CNTNAP2: variants seen among roughly 807,000 people sequenced by gnomAD.
CNTNAP2 encodes the protein contactin-associated protein-like 2.
Under a neutral mutation model 155.2 loss-of-function variants are expected in CNTNAP2, and 98 were observed. The ratio of observed to expected loss-of-function variants is 0.63; its 90% confidence interval spans 0.54 to 0.75. The LOEUF (loss-of-function observed/expected upper bound fraction) is 0.75. CNTNAP2 is among the 30% of genes least tolerant of loss of function. The pLI is 0.00. For missense variants in CNTNAP2, 1,727 were observed against 1,688.1 expected (o/e 1.02, Z -0.40); for synonymous variants, 651 against 631.2 (o/e 1.03, Z -0.47).
intron 14 of CNTNAP2, among the ~76,000 whole-genome samples, chr7:147,925,690 T>C (rs898616466): frequency 6.6e-6 from 1 of 152,176 alleles, no homozygotes; most frequent in Non-Finnish European, 1.5e-5. Flanking sequence ...CTCGATCTCC[T>C]GACCTCGTGA....
chr7:147,614,908 A>C (rs1801252797), intron 12 of CNTNAP2, among the ~76,000 whole-genome samples: 1 of 151,772 alleles, frequency 6.6e-6, no homozygotes, highest in Non-Finnish European at 1.5e-5. Context: ...AAACTATCTT[A>C]GTCTAAACAC....
chr7:147,005,655 T>G (rs905938464), intron 3 of CNTNAP2, among the ~76,000 whole-genome samples: 1 of 152,064 alleles, frequency 6.6e-6, no homozygotes, highest in African/African-American at 2.4e-5. Context: ...TAATCCATGA[T>G]AAATTCTATT....
At chr7:146,309,483 A>C (rs113585232) in intron 1 of CNTNAP2, among the ~76,000 whole-genome samples, 145 of 152,218 alleles carry the variant, frequency 9.5e-4, no homozygotes, top group African/African-American at 3.1e-3. Flanking sequence ...TATTCACACT[A>C]ATTCTAAATC....
At position 146,313,275 on chromosome 7, in the gene CNTNAP2, C is replaced by G. The variant is rs1479412157; in HGVS notation, c.97+196302C>G. On this transcript the variant is annotated intron_variant, in intron 1 of 23. Coordinates refer to ENST00000361727, the MANE Select transcript of CNTNAP2 (RefSeq NM_014141.6). Reference sequence around the variant, plus strand: ...CTAATGGGCATGTGGTGATATCCCACTGTGGCTTTAATTTGCATTTCTCTG... The same window carrying G: ...CTAATGGGCATGTGGTGATATCCCAGTGTGGCTTTAATTTGCATTTCTCTG... Among the ~76,000 whole-genome samples, 3 of 152,170 alleles carry G rather than the reference C, an allele frequency of 2.0e-5. No homozygotes were observed. In the East Asian group the frequency reaches 5.8e-4, roughly 29 times the overall value.
intron 11 of CNTNAP2, among the ~76,000 whole-genome samples, chr7:147,509,277 G>A (rs1528512): frequency 0.67 from 101,677 of 152,122 alleles, 34,375 homozygotes; most frequent in South Asian, 0.77. Flanking sequence ...CATAGAAAGA[G>A]CAATACAGAG....
At chr7:146,605,674 G>A (rs932130742) in intron 1 of CNTNAP2, among the ~76,000 whole-genome samples, 1 of 152,066 alleles carries the variant, frequency 6.6e-6, no homozygotes, top group Admixed American at 6.5e-5. Context: ...TTAATTATTA[G>A]CATTTGAATC....
At chr7:147,351,109 T>A (rs28439768) in intron 9 of CNTNAP2, among the ~76,000 whole-genome samples, 26,614 of 151,712 alleles carry the variant, frequency 0.18, 2,506 homozygotes, top group African/African-American at 0.23. Flanking sequence ...ACTTCAGGTA[T>A]TTTTTCTTCT....
At chr7:148,061,926 T>TAAAC (rs773290618) in intron 15 of CNTNAP2, among the ~76,000 whole-genome samples, 10,722 of 110,260 alleles carry the variant, frequency 0.097, 851 homozygotes, top group East Asian at 0.28. Context: ...CAGATATAGA[T>TAAAC]AGATAGATAG....
chr7:148,346,773 TAAAAAAAAAAAA>T (rs71188973), intron 21 of CNTNAP2, among the ~76,000 whole-genome samples: 33 of 147,064 alleles, frequency 2.2e-4, no homozygotes, highest in South Asian at 4.4e-4. Context: ...ACTCCATCTT[TAAAAAAAAAAAA>T]AAAAAAAAAA....
intron 1 of CNTNAP2, among the ~76,000 whole-genome samples, chr7:146,351,691 T>G (rs1001375447): frequency 6.6e-6 from 1 of 152,240 alleles, no homozygotes; most frequent in Admixed American, 6.5e-5. Context: ...TTTATTGTTT[T>G]AACTTTGTGC....
chr7:148,057,067 C>T (rs1466985805), intron 15 of CNTNAP2, among the ~76,000 whole-genome samples: 1 of 152,202 alleles, frequency 6.6e-6, no homozygotes, highest in Admixed American at 6.5e-5. Flanking sequence ...TCTGTGCCCA[C>T]CCTCTTATTG....
At chr7:147,521,387 C>G (rs1346258149) in intron 11 of CNTNAP2, among the ~76,000 whole-genome samples, 1 of 152,096 alleles carries the variant, frequency 6.6e-6, no homozygotes, top group Non-Finnish European at 1.5e-5. Context: ...AGCTGGCCAT[C>G]AAAATGTCTG....
intron 8 of CNTNAP2, among the ~76,000 whole-genome samples, chr7:147,287,615 A>G (rs1039375438): frequency 1.3e-5 from 2 of 151,918 alleles, no homozygotes; most frequent in Admixed American, 1.3e-4. Flanking sequence ...CGTGACTTAC[A>G]CTCATGACAT....
At chr7:147,067,431 C>G (rs1358902085) in intron 4 of CNTNAP2, among the ~76,000 whole-genome samples, 1 of 151,932 alleles carries the variant, frequency 6.6e-6, no homozygotes, top group African/African-American at 2.4e-5. Context: ...GGAGGGGACA[C>G]CAACATTTGG....
chr7:146,235,432 G>A (rs529177033), intron 1 of CNTNAP2, among the ~76,000 whole-genome samples: 49 of 152,100 alleles, frequency 3.2e-4, no homozygotes, highest in Middle Eastern at 3.4e-3. Flanking sequence ...AGGAATCCAG[G>A]CCAAGTTCTT....
chr7:148,339,899 A>AG (rs1354146844), intron 21 of CNTNAP2, among the ~76,000 whole-genome samples: 1 of 152,038 alleles, frequency 6.6e-6, no homozygotes, highest in East Asian at 1.9e-4. Context: ...AGCACTACCA[A>AG]GTCTACTCCA....
At position 147,614,242 on chromosome 7, in the gene CNTNAP2, C is replaced by T. The variant is rs148555837; in HGVS notation, c.1898-24864C>T. Reference sequence around the variant, plus strand: ...ATTTTTTCCACCAGTTGCTCAATTACATTTATATACACACACAAATTATTG... The same window carrying T: ...ATTTTTTCCACCAGTTGCTCAATTATATTTATATACACACACAAATTATTG... On this transcript the variant is annotated intron_variant, in intron 12 of 23. Coordinates refer to ENST00000361727, the MANE Select transcript of CNTNAP2 (RefSeq NM_014141.6). Among the ~76,000 whole-genome samples, 5 of 152,186 alleles carry T rather than the reference C, an allele frequency of 3.3e-5. No individual in the cohort carries two copies. The East Asian group carries it at 9.7e-4, about 29-fold the overall frequency.
chr7:148,110,718 C>T (rs147650930), intron 15 of CNTNAP2, among the ~76,000 whole-genome samples: 4 of 152,218 alleles, frequency 2.6e-5, no homozygotes, highest in South Asian at 2.1e-4. Flanking sequence ...AATGGCGGAA[C>T]GTCTATGTGA....
At chr7:146,247,736 T>C (rs893550537) in intron 1 of CNTNAP2, among the ~76,000 whole-genome samples, 1 of 152,032 alleles carries the variant, frequency 6.6e-6, no homozygotes, top group African/African-American at 2.4e-5. Context: ...CAGAAGAAAA[T>C]AAGACGCTTA....
Sources: gnomAD v4.1 joint callset for allele counts (sites outside exome capture counted in the v4.1 genomes callset) on GRCh38, gnomAD v4.1.1 for gene constraint, MANE v1.5 for transcripts, NCBI Gene and HGNC (gene_info 2026-07-23, HGNC 2026-07-21) for gene names.